TTC17: variants seen among roughly 807,000 people sequenced by gnomAD.
TTC17 encodes the protein tetratricopeptide repeat domain 17.
TTC17 carries 58 observed loss-of-function variants against 143.8 expected under a neutral mutation model. The ratio of observed to expected loss-of-function variants is 0.40; its 90% CI spans 0.33 to 0.50. TTC17 has a LOEUF of 0.50. Ranked by LOEUF, TTC17 falls within the 20% of genes least tolerant of loss-of-function variation. TTC17 has a pLI of 0.49. For missense variants in TTC17, 1,273 were observed against 1,392.5 expected, an observed-to-expected ratio of 0.91 and a Z score of 1.37; for synonymous variants, 501 against 497.8, an observed-to-expected ratio of 1.01 and a Z score of -0.09.
intron 16 of TTC17, among the ~76,000 whole-genome samples, chr11:43,443,058 G>C (rs1204368837): frequency 6.6e-6 from 1 of 152,128 alleles, no homozygotes; most frequent in East Asian, 1.9e-4. Context: ...TCACATACCT[G>C]TCCCCATGCT....
chr11:43,428,559 G>GA (rs929545322), intron 16 of TTC17, among the ~76,000 whole-genome samples: 3 of 152,174 alleles, frequency 2.0e-5, no homozygotes, highest in African/African-American at 7.2e-5. Context: ...TCATTTAAGA[G>GA]AAGGCCACAT....
intron 5 of TTC17, among the ~76,000 whole-genome samples, 195 bp downstream of exon 5, chr11:43,392,147 G>A (rs1857414921): frequency 6.6e-6 from 1 of 152,194 alleles, no homozygotes; most frequent in African/African-American, 2.4e-5. Context: ...TCCTTTCCCA[G>A]GAAGAGATGC....
At chr11:43,455,385 A>G (rs1041289120) in intron 21 of TTC17, among the ~76,000 whole-genome samples, 1 of 152,056 alleles carries the variant, frequency 6.6e-6, no homozygotes, top group Non-Finnish European at 1.5e-5. Context: ...TGCATTAATT[A>G]TACAGAAAAT....
chr11:43,441,525 T>C (rs779150621), intron 16 of TTC17, among the ~76,000 whole-genome samples: 29 of 152,220 alleles, frequency 1.9e-4, no homozygotes, highest in Non-Finnish European at 3.4e-4. Context: ...TTTTTTTTGT[T>C]CCCACCTACA....
At chr11:43,446,101 C>T in intron 18 of TTC17, 2 of 1,457,166 alleles carry the variant, frequency 1.4e-6, no homozygotes, top group Non-Finnish European at 1.8e-6. Context: ...GTGTGGTGTA[C>T]AAGACCCTTT....
intron 18 of TTC17, among the ~76,000 whole-genome samples, chr11:43,447,054 T>C (rs1418187008): frequency 6.6e-6 from 1 of 152,118 alleles, no homozygotes; most frequent in South Asian, 2.1e-4. Flanking sequence ...ATGCAGTGGC[T>C]CACATCTGTA....
chr11:43,378,688 T>TACTG (rs1856851642), intron 1 of TTC17, among the ~76,000 whole-genome samples: 4 of 152,340 alleles, frequency 2.6e-5, no homozygotes, highest in African/African-American at 7.2e-5. Context: ...AGTATATGAG[T>TACTG]GTTCATTTTT....
chr11:43,361,830 G>A (rs570842803), intron 1 of TTC17, among the ~76,000 whole-genome samples: 2 of 152,230 alleles, frequency 1.3e-5, no homozygotes, highest in Admixed American at 6.5e-5. Flanking sequence ...TGGATTAACA[G>A]CTTTTAGAAA....
chr11:43,444,722 TACACACACACACACAC>T (rs10638143), intron 18 of TTC17, among the ~76,000 whole-genome samples: 2 of 143,554 alleles, frequency 1.4e-5, no homozygotes, highest in African/African-American at 2.6e-5. Flanking sequence ...ACCAAATACA[TACACACACACACACAC>T]ACACACACAC....
chr11:43,439,491 G>A (rs1453690905), intron 16 of TTC17, among the ~76,000 whole-genome samples: 1 of 139,322 alleles, frequency 7.2e-6, no homozygotes, highest in African/African-American at 2.7e-5. Flanking sequence ...TTTTTGAGAT[G>A]GAGTCTTGCT....
intron 21 of TTC17, among the ~76,000 whole-genome samples, chr11:43,455,262 A>G (rs375865662): frequency 1.3e-4 from 19 of 151,942 alleles, no homozygotes; most frequent in Non-Finnish European, 2.5e-4. Context: ...AGAAATTTGC[A>G]TAGCATTAAG....
chr11:43,478,311 AAATG>A (rs1948222051), intron 21 of TTC17, among the ~76,000 whole-genome samples: 1 of 152,240 alleles, frequency 6.6e-6, no homozygotes, highest in African/African-American at 2.4e-5. Flanking sequence ...TGTAAAAGCA[AAATG>A]AAACTTCTGT....
intron 16 of TTC17, 24 bp from the exon 17 acceptor site, chr11:43,443,301 A>T (rs751719891): frequency 6.2e-7 from 1 of 1,611,604 alleles, no homozygotes; most frequent in East Asian, 2.2e-5. Context: ...ACCTTTTACT[A>T]ACGTGCTGGC....
intron 21 of TTC17, among the ~76,000 whole-genome samples, chr11:43,475,000 T>C (rs550150612): frequency 1.7e-4 from 26 of 152,078 alleles, no homozygotes; most frequent in African/African-American, 6.3e-4. Flanking sequence ...TCAGGGGTAT[T>C]AGAGGCACAA....
intron 21 of TTC17, among the ~76,000 whole-genome samples, chr11:43,489,220 C>T (rs749740959): frequency 3.0e-4 from 45 of 152,144 alleles, no homozygotes; most frequent in Non-Finnish European, 5.9e-4. Context: ...AAAAACCTCA[C>T]AGAACAATTA....
chr11:43,415,890 G>A (rs1946766952), intron 16 of TTC17, among the ~76,000 whole-genome samples: 1 of 152,176 alleles, frequency 6.6e-6, no homozygotes, highest in Non-Finnish European at 1.5e-5. Flanking sequence ...GAATGTCAAA[G>A]GCCCAAAACA....
intron 1 of TTC17, among the ~76,000 whole-genome samples, chr11:43,365,781 AT>A (rs1856312779): frequency 6.6e-6 from 1 of 152,226 alleles, no homozygotes; most frequent in Admixed American, 6.5e-5. Context: ...CTACATTTTT[AT>A]CAAACTCCTT....
chr11:43,490,826 GGTC>G (rs1018384873), intron 22 of TTC17: 1 of 131,630 alleles, frequency 7.6e-6, no homozygotes, highest in African/African-American at 3.0e-5. Flanking sequence ...GCCAGTTCCT[GGTC>G]CTTGTCTGAC....
At position 43,405,585 on chromosome 11, in the gene TTC17, G is replaced by A. The variant is rs755082327; in HGVS notation, c.1551G>A (p.Gly517=). 10 of 1,613,814 alleles carry A rather than the reference G, an allele frequency of 6.2e-6. No individual in the cohort carries two copies. In the Admixed American group the frequency reaches 1.0e-4, roughly 16 times the overall value. Residue 517 remains glycine (G), a synonymous_variant, in exon 12 of 24, where the codon GGG becomes GGA. Transcript: ENST00000039989. The part of the protein sequence containing the change: ...TESYPRVPVG[G]ELPTYFLPPE... ...GCTACCCTAGAGTCCCTGTTGGTGG[G>A]GAATTGCCAACGTATTTTCTGCCTC... is the stretch of plus-strand genomic sequence containing the variant.
Sources: gnomAD v4.1 joint callset for allele counts (sites outside exome capture counted in the v4.1 genomes callset) on GRCh38, gnomAD v4.1.1 for gene constraint, MANE v1.5 for transcripts, NCBI Gene and HGNC (gene_info 2026-07-23, HGNC 2026-07-21) for gene names.